The following VPS13D variants were observed in gnomAD, a reference collection of about 807,000 sequenced individuals.
VPS13D encodes vacuolar protein sorting 13 homolog D, also known as intermembrane lipid transfer protein VPS13D.
VPS13D carries 187 observed loss-of-function variants against 461.9 expected under a neutral mutation model. The ratio of observed to expected loss-of-function variants is 0.40; its 90% confidence interval spans 0.36 to 0.46. The LOEUF is 0.46. VPS13D is among the 20% of genes least tolerant of loss of function. The probability of loss-of-function intolerance (pLI) is 0.60; values close to 1 mark genes in which losing one functional copy is unlikely to be tolerated. For synonymous variants in VPS13D, 1,951 were observed against 1,986.3 expected (o/e 0.98, Z 0.47); for missense variants, 4,711 against 5,364.9 (o/e 0.88, Z 3.81).
intron 65 of VPS13D, among the ~76,000 whole-genome samples, chr1:12,446,143 A>G (rs995093407): frequency 6.6e-6 from 1 of 152,348 alleles, no homozygotes; most frequent in Middle Eastern, 3.4e-3. Flanking sequence ...TCAGCTGGAC[A>G]TGGTGGCTCA....
intron 67 of VPS13D, among the ~76,000 whole-genome samples, chr1:12,480,262 C>G (rs1453496292): frequency 6.6e-6 from 1 of 152,230 alleles, no homozygotes; most frequent in East Asian, 1.9e-4. Flanking sequence ...CAGGCGGTAA[C>G]CTGGGAACTC....
intron 65 of VPS13D, among the ~76,000 whole-genome samples, chr1:12,450,123 C>CA (rs1214266202): frequency 4.0e-5 from 6 of 149,210 alleles, no homozygotes; most frequent in Admixed American, 2.0e-4. Flanking sequence ...ACTCAGCCAG[C>CA]AAAAAAAAAG....
chr1:12,374,518 A>G (rs1157864360), intron 55 of VPS13D, among the ~76,000 whole-genome samples: 1 of 152,156 alleles, frequency 6.6e-6, no homozygotes, highest in Non-Finnish European at 1.5e-5. Flanking sequence ...GTTGATTAAG[A>G]AGGTGTGTGG....
rs1343916315 is a variant in VPS13D at position 12,495,153 on chromosome 1, T to TC, written c.12663-2347_12663-2346insC. Among the ~76,000 whole-genome samples, 1 of 150,858 alleles carries TC rather than the reference T, an allele frequency of 6.6e-6. No individual in the cohort carries two copies. The highest frequency in any genetic ancestry group is 2.4e-5 in the African/African-American group (1 of 41,050). ...GACTGACTTGATGTAACTTACCTTT[T>TC]TTTTTTTTTTTTTTGAGACAGAGTC... On this transcript the variant is annotated intron_variant, in intron 67 of 69. Transcript: ENST00000620676. The surrounding 1 kb of genome is among the most constrained non-coding windows in gnomAD (Gnocchi z 4.0).
chr1:12,353,900 CATACTT>C (rs1643864153), intron 46 of VPS13D, 68 bp from the exon 47 acceptor site: 5 of 1,468,694 alleles, frequency 3.4e-6, no homozygotes, highest in Non-Finnish European at 4.6e-6. Context: ...TATTCTTTCT[CATACTT>C]AGCTAAGGAG....
At chr1:12,312,662 A>C (rs952588296) in intron 29 of VPS13D, among the ~76,000 whole-genome samples, 4 of 152,230 alleles carry the variant, frequency 2.6e-5, no homozygotes, top group African/African-American at 9.6e-5. Flanking sequence ...CAAGGCGTTA[A>C]GGTGAGAGAA....
Position 12,369,399 on chromosome 1 carries a change from A to G in VPS13D, c.10573-68A>G, listed in dbSNP as rs987573551. On this transcript the variant is annotated intron_variant, in intron 53 of 69. Coordinates refer to ENST00000620676, the MANE Select transcript of VPS13D (RefSeq NM_015378.4). ...GATTTGGAACTTAAACCTACAAAGC[A>G]CTGACTCACTTTTCAGTAACCCCAC... 3 of 1,423,998 alleles carry G rather than the reference A, an allele frequency of 2.1e-6. No individual in the cohort carries two copies. In the East Asian group the frequency reaches 6.8e-5, roughly 33 times the overall value. The allele number at this position is 1,423,998 out of a possible 1,614,324, so 88.2% of individuals were successfully genotyped here.
At chr1:12,463,282 A>G (rs1645436060) in intron 67 of VPS13D, among the ~76,000 whole-genome samples, 1 of 152,202 alleles carries the variant, frequency 6.6e-6, no homozygotes, top group African/African-American at 2.4e-5. Flanking sequence ...TACCAGAGGC[A>G]AGTGGGGCAG....
rs1248016975 is a variant in VPS13D, at chr1:12,258,049, C to A, written c.1056C>A (p.Tyr352Ter). The A allele has an allele frequency of 6.2e-7, 1 of 1,614,222 alleles. No individual in the cohort carries two copies. Among genetic ancestry groups the A allele is most frequent in the East Asian group, 2.2e-5 (1 of 44,890 alleles). The change falls in exon 10 of 70, where the codon TAC becomes TAA. Residue 352 changes from tyrosine (Y) to a stop codon, truncating the protein, a stop_gained. Transcript: ENST00000620676. LOFTEE classifies it high-confidence loss of function. The stretch of plus-strand genomic sequence containing the variant: ...ACCGCGCTCGTGATGCTGTATCTTA[C>A]ACTGACAAATATTTCAACAAGTTAA... ...MLHRARDAVS[Y>*]TDKYFNKLKG...
At position 12,487,477 on chromosome 1, in the gene VPS13D, G is replaced by A. The variant is rs998975076; in HGVS notation, c.12663-10023G>A. Reference sequence around the variant, plus strand: ...TACAAAAAAATTAGCCGGGCATGGTGCCGTATACCTGTAATCCCAGCTACT... The same window carrying A: ...TACAAAAAAATTAGCCGGGCATGGTACCGTATACCTGTAATCCCAGCTACT... On this transcript the variant is annotated intron_variant, in intron 67 of 69. Coordinates refer to ENST00000620676, the MANE Select transcript of VPS13D (RefSeq NM_015378.4). Among the ~76,000 whole-genome samples the A allele has an allele frequency of 1.4e-4, 21 of 152,218 alleles. 1 individual carries two copies. In the East Asian group the frequency reaches 3.9e-3, roughly 28 times the overall value.
At chr1:12,433,664 A>G (rs1239151850) in intron 65 of VPS13D, among the ~76,000 whole-genome samples, 1 of 152,166 alleles carries the variant, frequency 6.6e-6, no homozygotes, top group African/African-American at 2.4e-5. Context: ...TCAGGCCTGT[A>G]ACACAAAACT....
intron 65 of VPS13D, among the ~76,000 whole-genome samples, chr1:12,437,850 A>C (rs1480775317): frequency 6.6e-6 from 1 of 152,176 alleles, no homozygotes; most frequent in Non-Finnish European, 1.5e-5. Context: ...CTGCGCTCAA[A>C]AATTACAGTG....
At position 12,283,182 on chromosome 1, in the gene VPS13D, G is replaced by A. The variant is rs761039716; in HGVS notation, c.5080G>A (p.Ala1694Thr). ...KYKNLMVSRG[A>T]PKPSSLAQKE... is the part of the protein sequence containing the mutation. ...TAAGAACCTGATGGTGTCTCGAGGA[G>A]CCCCTAAGCCATCTAGTTTAGCACA... The change falls in exon 21 of 70, where the codon GCC (alanine) becomes ACC (threonine). Residue 1694 changes from alanine (A) to threonine (T), a missense_variant. Around this residue, in one of 3 missense-constraint regions of VPS13D, gnomAD observed 4,411 missense variants for 4,937.8 expected, o/e 0.89. Coordinates refer to ENST00000620676, the MANE Select transcript of VPS13D (RefSeq NM_015378.4). 1.9e-6 allele frequency: 3 copies of A among 1,614,118 alleles called. No individual in the cohort carries two copies. The highest frequency in any genetic ancestry group is 2.2e-5 in the South Asian group (2 of 91,076).
At position 12,323,791 on chromosome 1, in the gene VPS13D, C is replaced by G; in HGVS notation, c.7990+11C>G. 6.2e-7 allele frequency: 1 copy of G among 1,613,578 alleles called. No homozygotes were observed. The highest frequency in any genetic ancestry group is 8.5e-7 in the Non-Finnish European group (1 of 1,179,602). Reference sequence around the variant, plus strand: ...TTTTGGCGTGTCAAGGTAATTTGAACAGGGTTCTGTTACCCGTTGTTTATC... The same window carrying G: ...TTTTGGCGTGTCAAGGTAATTTGAAGAGGGTTCTGTTACCCGTTGTTTATC... On this transcript the variant is annotated intron_variant, in intron 35 of 69. Transcript: ENST00000620676.
At chr1:12,335,358 C>T (rs1012433017) in intron 38 of VPS13D, among the ~76,000 whole-genome samples, 7 of 152,308 alleles carry the variant, frequency 4.6e-5, no homozygotes, top group Admixed American at 6.5e-5. Flanking sequence ...TGAGCCACCG[C>T]GTCCGGCCTC....
chr1:12,500,098 G>A (rs1395934771), intron 68 of VPS13D: 1 of 985,180 alleles, frequency 1.0e-6, no homozygotes, highest in Non-Finnish European at 1.2e-6. Flanking sequence ...TTTCCCGATG[G>A]AGTGAAAACC....
At chr1:12,374,204 A>G (rs1644164747) in intron 55 of VPS13D, among the ~76,000 whole-genome samples, 1 of 152,262 alleles carries the variant, frequency 6.6e-6, no homozygotes, top group South Asian at 2.1e-4. Context: ...TAACTTATAG[A>G]ACATTTTCAG....
At chr1:12,381,958 C>CTTTCTT (rs1644283911) in intron 57 of VPS13D, among the ~76,000 whole-genome samples, 3 of 134,916 alleles carry the variant, frequency 2.2e-5, no homozygotes, top group African/African-American at 5.8e-5. Flanking sequence ...TTCTTTCTTT[C>CTTTCTT]TTTCTTTCTT....
At chr1:12,319,380 A>G in intron 31 of VPS13D, 117 bp from the exon 32 acceptor site, 2 of 1,438,932 alleles carry the variant, frequency 1.4e-6, no homozygotes, top group East Asian at 2.3e-5. Context: ...TTTTGGAGAA[A>G]AATCTTACTG....
Sources: allele counts gnomAD v4.1 joint callset (sites outside exome capture counted in the v4.1 genomes callset), GRCh38; gene constraint gnomAD v4.1.1; regional missense constraint gnomAD v4.1.1; non-coding constraint Gnocchi (gnomAD v3.1); transcripts MANE v1.5; gene names NCBI Gene and HGNC (gene_info 2026-07-23, HGNC 2026-07-21).